Variants in VPS54 observed in about 807,000 individuals in gnomAD.
VPS54 encodes vacuolar protein sorting-associated protein 54.
In VPS54, 45 loss-of-function variants were observed where a neutral mutation model predicts 121.5. The ratio of observed to expected loss-of-function variants is 0.37; its 90% CI spans 0.29 to 0.47. The LOEUF is 0.47. VPS54 is among the 20% of genes least tolerant of loss of function. The pLI is 0.99. For synonymous variants in VPS54, 371 were observed against 385.8 expected (o/e 0.96, Z 0.45); for missense variants, 1,090 against 1,131.4 (o/e 0.96, Z 0.52).
Position 63,927,456 on chromosome 2 carries a change from T to C in VPS54, c.1740-6121A>G, listed in dbSNP as rs1009724900. Among the ~76,000 whole-genome samples the C allele has an allele frequency of 2.6e-5, 4 of 152,034 alleles. No homozygotes were observed. The East Asian group carries it at 7.7e-4, about 29-fold the overall frequency. On this transcript the variant is annotated intron_variant, in intron 12 of 22. Transcript: ENST00000272322. ...GAAGGAAAATTAACAAACAAAGGAA[T>C]AGCATCAACATCAACAAAAAGAACA...
At chr2:63,915,691 T>G (rs1427954026) in intron 16 of VPS54, among the ~76,000 whole-genome samples, 1 of 152,152 alleles carries the variant, frequency 6.6e-6, no homozygotes, top group African/African-American at 2.4e-5. Context: ...GGGATGGGAT[T>G]ACAGGAAGAC....
At chr2:64,008,683 A>G (rs1678283626) in intron 1 of VPS54, among the ~76,000 whole-genome samples, 1 of 152,100 alleles carries the variant, frequency 6.6e-6, no homozygotes, top group Admixed American at 6.5e-5. Context: ...TGGGAGGAGG[A>G]GTGGAAATCA....
intron 11 of VPS54, among the ~76,000 whole-genome samples, chr2:63,939,327 G>A (rs890403946): frequency 2.6e-5 from 4 of 151,960 alleles, no homozygotes; most frequent in Non-Finnish European, 5.9e-5. Context: ...AGCTGAGATT[G>A]TGCCACTGCA....
chr2:63,960,014 C>A (rs903091089), intron 7 of VPS54, among the ~76,000 whole-genome samples: 1 of 151,768 alleles, frequency 6.6e-6, no homozygotes, highest in Non-Finnish European at 1.5e-5. Flanking sequence ...AGCTAGACTC[C>A]ATCTCAAAAA....
intron 1 of VPS54, among the ~76,000 whole-genome samples, chr2:63,992,554 T>A (rs2104647831): frequency 6.6e-6 from 1 of 152,354 alleles, no homozygotes; most frequent in African/African-American, 2.4e-5. Context: ...ACACACCCAT[T>A]TGGATTCAGC....
intron 14 of VPS54, 146 bp downstream of exon 14, chr2:63,920,300 G>A: frequency 1.4e-6 from 1 of 710,864 alleles, no homozygotes; most frequent in Non-Finnish European, 2.0e-6. Context: ...CAAGAAATGT[G>A]ATTTTAATTC....
At chr2:64,008,665 T>C (rs890119573) in intron 1 of VPS54, among the ~76,000 whole-genome samples, 2 of 151,470 alleles carry the variant, frequency 1.3e-5, no homozygotes, top group Non-Finnish European at 2.9e-5. Flanking sequence ...CTGTGCCCAA[T>C]GTGTGAGTGG....
At chr2:63,895,305 G>T (rs6546040) in intron 22 of VPS54, among the ~76,000 whole-genome samples, 117,899 of 152,054 alleles carry the variant, frequency 0.78, 47,041 homozygotes, top group African/African-American at 0.89. Context: ...AATACAAAAA[G>T]TAGCCAGGCG....
intron 3 of VPS54, among the ~76,000 whole-genome samples, chr2:63,974,038 C>T (rs183758666): frequency 1.9e-4 from 29 of 152,276 alleles, no homozygotes; most frequent in African/African-American, 6.5e-4. Context: ...CCAAGGTTAC[C>T]TAGATTTTCT....
At chr2:63,923,042 G>A (rs188188270) in intron 12 of VPS54, among the ~76,000 whole-genome samples, 9 of 152,176 alleles carry the variant, frequency 5.9e-5, no homozygotes, top group Non-Finnish European at 7.4e-5. Context: ...GCTGGGGCGC[G>A]GTGGCTCACG....
In VPS54 at chr2:63,938,621, T is replaced by C. The variant is rs1674576221; in HGVS notation, c.1398+3844A>G. ...CTGGGATTACAGGCATGAGACACCA[T>C]GCCCAGCTGATTTTTGTATTATTAG... On this transcript the variant is annotated intron_variant, in intron 11 of 22. Coordinates refer to ENST00000272322, the MANE Select transcript of VPS54 (RefSeq NM_016516.3). 2.6e-5 allele frequency among the ~76,000 whole-genome samples: 4 copies of C among 152,152 alleles called. No homozygotes were observed. The South Asian group carries it at 6.2e-4, about 24-fold the overall frequency.
chr2:63,942,759 A>G (rs568502993), intron 10 of VPS54, among the ~76,000 whole-genome samples, 198 bp from the exon 11 acceptor site: 1 of 152,336 alleles, frequency 6.6e-6, no homozygotes, highest in African/African-American at 2.4e-5. Context: ...TGGTAAGTTA[A>G]CTATATCATA....
intron 1 of VPS54, among the ~76,000 whole-genome samples, chr2:63,992,455 T>C (rs1474712206): frequency 6.6e-6 from 1 of 152,194 alleles, no homozygotes; most frequent in African/African-American, 2.4e-5. Flanking sequence ...CCAATTACTA[T>C]AAAAGAAGAC....
At chr2:63,944,218 C>A (rs1037196296) in intron 10 of VPS54, among the ~76,000 whole-genome samples, 3 of 152,166 alleles carry the variant, frequency 2.0e-5, no homozygotes, top group African/African-American at 2.4e-5. Context: ...TATCTATGTT[C>A]TGTCCCTGTC....
At chr2:63,897,922 T>C (rs1315255514) in intron 21 of VPS54, among the ~76,000 whole-genome samples, 2 of 152,228 alleles carry the variant, frequency 1.3e-5, no homozygotes, top group African/African-American at 2.4e-5. Flanking sequence ...GTCATAATGA[T>C]AGAGGCAAAG....
chr2:63,930,538 C>G (rs1366783919), intron 12 of VPS54, among the ~76,000 whole-genome samples: 1 of 152,164 alleles, frequency 6.6e-6, no homozygotes, highest in African/African-American at 2.4e-5. Context: ...CTATTTATGA[C>G]AAACCCACAG....
At chr2:63,952,664 C>G (rs1472296002) in intron 7 of VPS54, among the ~76,000 whole-genome samples, 1 of 152,132 alleles carries the variant, frequency 6.6e-6, no homozygotes, top group Non-Finnish European at 1.5e-5. Flanking sequence ...AAGTTTGCAT[C>G]TTACAACAGG....
At position 63,966,002 on chromosome 2, in the gene VPS54, T is replaced by C. The variant is rs532104429; in HGVS notation, c.493-36A>G. ...AATGCATTTCCCTCAATTAGATAAG[T>C]ATTTTCTTTATACCCATTATCTCTT... On this transcript the variant is annotated intron_variant, in intron 5 of 22. Transcript: ENST00000272322. The C allele has an allele frequency of 3.1e-5, 49 of 1,585,518 alleles. No homozygotes were observed. In the East Asian group the frequency reaches 9.4e-4, roughly 31 times the overall value.
At chr2:63,961,157 T>A (rs1675750626) in intron 7 of VPS54, among the ~76,000 whole-genome samples, 1 of 152,226 alleles carries the variant, frequency 6.6e-6, no homozygotes, top group Non-Finnish European at 1.5e-5. Flanking sequence ...TTCATGACTA[T>A]ATTCCCAGTA....
Sources: allele counts gnomAD v4.1 joint callset (sites outside exome capture counted in the v4.1 genomes callset), GRCh38; gene constraint gnomAD v4.1.1; transcripts MANE v1.5; gene names NCBI Gene and HGNC (gene_info 2026-07-23, HGNC 2026-07-21).